The following ITGA4 variants were observed in gnomAD, a reference collection of about 807,000 sequenced individuals.
ITGA4 encodes the protein integrin subunit alpha 4, also known as integrin alpha-4.
A neutral mutation model predicts 133.6 loss-of-function variants in ITGA4; 63 were observed. The ratio of observed to expected loss-of-function variants is 0.47; its 90% CI spans 0.38 to 0.58. ITGA4 has a LOEUF of 0.58. Among genes scored for constraint, ITGA4 ranks in the 20% least tolerant of loss-of-function variants. The pLI is 0.00. For missense variants in ITGA4, 1,076 were observed against 1,252.7 expected, an observed-to-expected ratio of 0.86 and a Z score of 2.13; for synonymous variants, 483 against 438.0, an observed-to-expected ratio of 1.10 and a Z score of -1.28.
chr2:181,534,898 T>A lies in ITGA4; in HGVS notation c.2966T>A (p.Leu989His). Residue 989 changes from leucine (L) to histidine (H), a missense_variant, in exon 27 of 28, where the codon CTT becomes CAT. This residue lies in a region of ITGA4 where 193 missense variants were observed against 172.3 expected (regional missense o/e 1.12). Coordinates refer to ENST00000397033, the MANE Select transcript of ITGA4 (RefSeq NM_000885.6). ...ATTTCAAGTAGCTTGCTACTTGGAC[T>A]TATTGTACTTCTATTGATCTCATAT... ...VIISSSLLLGLIVLLLISYVM... is the reference protein window; with the variant it reads ...VIISSSLLLGHIVLLLISYVM... 6.3e-7 allele frequency: 1 copy of A among 1,594,082 alleles called. No individual in the cohort carries two copies. The highest frequency in any genetic ancestry group is 8.5e-7 in the Non-Finnish European group (1 of 1,173,586).
In ITGA4 at chr2:181,536,235, A is replaced by T. The variant is rs201311445; in HGVS notation, c.*708A>T. 2.5e-4 allele frequency: 38 copies of T among 152,110 alleles called. No individual in the cohort carries two copies. The highest frequency in any genetic ancestry group is 7.7e-4 in the African/African-American group (32 of 41,528). The allele number at this position is 152,110 out of a possible 1,614,324, so 9.4% of individuals were successfully genotyped here. On this transcript the variant is annotated 3_prime_UTR_variant, in exon 28 of 28. Coordinates refer to ENST00000397033, the MANE Select transcript of ITGA4 (RefSeq NM_000885.6). The stretch of plus-strand genomic sequence containing the variant: ...GATTTCACCATCTTTCTTTCTGTAT[A>T]TATACATGTGTTTTTATGTAGGTAT...
At chr2:181,510,374 GT>G (rs1559051783) in intron 16 of ITGA4, among the ~76,000 whole-genome samples, 1 of 152,054 alleles carries the variant, frequency 6.6e-6, no homozygotes, top group African/African-American at 2.4e-5. Context: ...CCAGTGAACC[GT>G]TTTCTAAATT....
At chr2:181,520,500 C>T (rs894857469) in intron 17 of ITGA4, among the ~76,000 whole-genome samples, 4 of 151,726 alleles carry the variant, frequency 2.6e-5, no homozygotes, top group Non-Finnish European at 5.9e-5. Flanking sequence ...TGAAAATGAC[C>T]CTCTGGCAGT....
chr2:181,469,699 ATG>A (rs1024349757), intron 2 of ITGA4, among the ~76,000 whole-genome samples: 2 of 152,244 alleles, frequency 1.3e-5, no homozygotes, highest in African/African-American at 4.8e-5. Flanking sequence ...GATTAAGAAA[ATG>A]TGGCACATAT....
chr2:181,465,228 C>T (rs1286204735), intron 2 of ITGA4, among the ~76,000 whole-genome samples: 1 of 152,078 alleles, frequency 6.6e-6, no homozygotes, highest in African/African-American at 2.4e-5. Flanking sequence ...GTCTGCCAGT[C>T]ATTGTCAATA....
rs1381573564 is a variant in ITGA4 at position 181,537,855 on chromosome 2, T to G, written c.*2328T>G. On this transcript the variant is annotated 3_prime_UTR_variant, in exon 28 of 28. Transcript: ENST00000397033. ...ACATCAATTTCTATTAGGATATCCG[T>G]TTGGCCACACAGCAGGAGGTTAGAG... 7.8e-6 allele frequency: 4 copies of G among 511,292 alleles called. No homozygotes were observed. The highest frequency in any genetic ancestry group is 4.6e-5 in the South Asian group (3 of 64,996). 31.7% of individuals were successfully genotyped at this position (511,292 alleles called of 1,614,324 possible).
rs1686778590 is a variant in ITGA4, at chr2:181,523,844, T to C, written c.2169+312T>C. ...CGCAGGTGGTCCTGTCTGCCAGGCA[T>C]GTTACCTCTGCTATACAAAAAGGTG... is the stretch of plus-strand genomic sequence containing the variant. On this transcript the variant is annotated intron_variant, in intron 19 of 27. Coordinates refer to ENST00000397033, the MANE Select transcript of ITGA4 (RefSeq NM_000885.6). This position sits in a 1 kb window ranked among gnomAD's most constrained non-coding sequence, Gnocchi z 4.2. Among the ~76,000 whole-genome samples, 1 of 152,168 alleles carries C rather than the reference T, an allele frequency of 6.6e-6. No individual in the cohort carries two copies. Among genetic ancestry groups the C allele is most frequent in the Admixed American group, 6.5e-5 (1 of 15,276 alleles).
At chr2:181,533,070 TAA>T (rs1686978320) in intron 25 of ITGA4, among the ~76,000 whole-genome samples, 1 of 152,168 alleles carries the variant, frequency 6.6e-6, no homozygotes, top group South Asian at 2.1e-4. Context: ...ATTTTAAAAA[TAA>T]TGAAATATAT....
chr2:181,458,888 A>G (rs535354866), intron 2 of ITGA4: 4 of 152,850 alleles, frequency 2.6e-5, no homozygotes, highest in Non-Finnish European at 5.9e-5. Context: ...ACCGTCATCC[A>G]AAACTCATGT....
intron 6 of ITGA4, among the ~76,000 whole-genome samples, chr2:181,480,714 A>G (rs1685782764): frequency 6.6e-6 from 1 of 152,116 alleles, no homozygotes; most frequent in African/African-American, 2.4e-5. Flanking sequence ...GGTACTGTCC[A>G]CCACATTCTG....
chr2:181,494,663 G>T (rs1239909402), intron 11 of ITGA4, 59 bp from the exon 12 acceptor site: 5 of 860,756 alleles, frequency 5.8e-6, no homozygotes, highest in East Asian at 2.4e-5. Context: ...CTAAATCATT[G>T]CTTCTCTGGT....
intron 2 of ITGA4, among the ~76,000 whole-genome samples, 196 bp from the exon 3 acceptor site, chr2:181,474,764 T>C (rs1174260657): frequency 2.0e-5 from 3 of 152,206 alleles, no homozygotes; most frequent in Non-Finnish European, 2.9e-5. Flanking sequence ...TCAGAGGTCA[T>C]TTCTACAACC....
At chr2:181,482,185 T>C (rs937506274) in intron 7 of ITGA4, among the ~76,000 whole-genome samples, 175 bp from the exon 8 acceptor site, 1 of 152,192 alleles carries the variant, frequency 6.6e-6, no homozygotes, top group African/African-American at 2.4e-5. Flanking sequence ...AAGTAAGGCA[T>C]ATTAATGTAA....
chr2:181,534,782 G>A, intron 26 of ITGA4, 34 bp from the exon 27 acceptor site: 3 of 1,317,622 alleles, frequency 2.3e-6, no homozygotes, highest in South Asian at 1.4e-5. Flanking sequence ...TTTTTTTTTT[G>A]GTTTTTGAGT....
At chr2:181,478,243 A>AT (rs1405369668) in intron 4 of ITGA4, among the ~76,000 whole-genome samples, 3 of 146,078 alleles carry the variant, frequency 2.1e-5, no homozygotes, top group Admixed American at 2.0e-4. Context: ...AGATGTTGGC[A>AT]TTTGTGTAGG....
At chr2:181,519,452 A>C (rs1574408689) in intron 17 of ITGA4, among the ~76,000 whole-genome samples, 1 of 152,174 alleles carries the variant, frequency 6.6e-6, no homozygotes, top group East Asian at 1.9e-4. Context: ...TTATACTCTG[A>C]TAAGTTTAAA....
At chr2:181,487,456 C>T (rs1685947617) in intron 10 of ITGA4, among the ~76,000 whole-genome samples, 1 of 152,154 alleles carries the variant, frequency 6.6e-6, no homozygotes, top group South Asian at 2.1e-4. Context: ...GTTCACATCT[C>T]CTGAGAGTTT....
At position 181,529,546 on chromosome 2, in the gene ITGA4, C is replaced by T. The variant is rs755164914; in HGVS notation, c.2436C>T (p.Ile812=). ...VEKMNLTFHV[I]NTGNSMAPNV... is the part of the protein sequence containing the mutation. ...AAATTTTTCCTTCTTATCAGGTTAT[C>T]AACACTGGCAATAGTATGGCTCCCA... Residue 812 remains isoleucine, a synonymous_variant, in exon 23 of 28, where the codon ATC becomes ATT. Transcript: ENST00000397033. 2.8e-5 allele frequency: 44 copies of T among 1,578,232 alleles called. No homozygotes were observed. The highest frequency in any genetic ancestry group is 6.8e-5 in the African/African-American group (5 of 74,018).
chr2:181,521,103 C>CT (rs1159096977), intron 17 of ITGA4, among the ~76,000 whole-genome samples: 2 of 152,018 alleles, frequency 1.3e-5, no homozygotes, highest in African/African-American at 4.8e-5. Flanking sequence ...GGATATTTAT[C>CT]TTTTTTATCT....
Sources: allele counts gnomAD v4.1 joint callset (sites outside exome capture counted in the v4.1 genomes callset), GRCh38; gene constraint gnomAD v4.1.1; regional missense constraint gnomAD v4.1.1; non-coding constraint Gnocchi (gnomAD v3.1); transcripts MANE v1.5; gene names NCBI Gene and HGNC (gene_info 2026-07-23, HGNC 2026-07-21).